IQSEC2: variants seen among roughly 807,000 people sequenced by gnomAD.
The protein encoded by IQSEC2 is IQ motif and Sec7 domain ArfGEF 2.
A neutral mutation model predicts 74.6 loss-of-function variants in IQSEC2; 6 were observed. The observed-to-expected ratio is 0.08, with a 90% CI of 0.04 to 0.16. The LOEUF is 0.16. Ranked by LOEUF, IQSEC2 falls within the 10% of genes least tolerant of loss-of-function variation. IQSEC2 has a pLI of 1.00. For synonymous variants in IQSEC2, 494 were observed against 544.5 expected, an observed-to-expected ratio of 0.91 and a Z score of 1.29; for missense variants, 734 against 1,306.2, an observed-to-expected ratio of 0.56 and a Z score of 6.75.
chrX:53,269,918 C>T (rs1466089916), intron 2 of IQSEC2, among the ~76,000 whole-genome samples: 2 of 110,718 alleles, frequency 1.8e-5, no homozygotes, highest in Non-Finnish European at 3.8e-5. Flanking sequence ...GCTCTGACCC[C>T]GCCCCCATTT....
chrX:53,279,569 C>T, intron 2 of IQSEC2: 1 of 1,177,544 alleles, frequency 8.5e-7, no homozygotes, highest in Non-Finnish European at 1.2e-6. Flanking sequence ...CTTACCTGCT[C>T]TCTGCCAGCC....
chrX:53,283,147 C>T (rs1206693595), intron 2 of IQSEC2, among the ~76,000 whole-genome samples: 10 of 112,344 alleles, frequency 8.9e-5, no homozygotes, highest in Admixed American at 4.7e-4. Context: ...GCCCCAGAGG[C>T]GGAGGTTGCA....
chrX:53,285,977 T>C (rs73492175), intron 2 of IQSEC2, among the ~76,000 whole-genome samples: 1,957 of 112,638 alleles, frequency 0.017, 43 homozygotes, highest in African/African-American at 0.06. Context: ...GCAGGGTTTG[T>C]ATTAGTGGAA....
At chrX:53,312,591 T>A (rs184265956) in intron 1 of IQSEC2, among the ~76,000 whole-genome samples, 2 of 112,291 alleles carry the variant, frequency 1.8e-5, no homozygotes, top group Admixed American at 9.5e-5. Context: ...TTATTAATAA[T>A]AATGGCTATC....
chrX:53,294,400 A>G (rs2075131009), intron 1 of IQSEC2, among the ~76,000 whole-genome samples: 1 of 112,386 alleles, frequency 8.9e-6, no homozygotes, highest in Admixed American at 9.4e-5. Context: ...CATTATGTAT[A>G]GAACAATCAT....
intron 2 of IQSEC2, among the ~76,000 whole-genome samples, chrX:53,278,986 G>A (rs782697903): frequency 1.4e-4 from 16 of 111,811 alleles, no homozygotes; most frequent in Non-Finnish European, 3.0e-4. Flanking sequence ...GACCAGCCTG[G>A]CCAACATGGT....
In IQSEC2 at chrX:53,239,272, T is replaced by C. The variant is rs2074181844; in HGVS notation, c.3038A>G (p.Lys1013Arg). Residue 1013 changes from lysine (K) to arginine (R), a missense_variant, in exon 11 of 15, where the codon AAG becomes AGG. Physicochemically the swap from Lys to Arg is conservative, Grantham distance 26. Around this residue, in one of 12 missense-constraint regions of IQSEC2, gnomAD observed 249 missense variants for 467.9 expected, o/e 0.53. Transcript: ENST00000642864. Reference sequence around the variant, plus strand: ...GAAACTGTACGTCACCAAGATCTTCTTCTTCTGGAAAATTTTGGTGACCTT... The same window carrying C: ...GAAACTGTACGTCACCAAGATCTTCCTCTTCTGGAAAATTTTGGTGACCTT... ...LLVVTKIFQK[K>R]KILVTYSFRQ... The C allele has an allele frequency of 8.3e-7, 1 of 1,209,042 alleles. No homozygotes were observed.
chrX:53,254,659 G>C lies in IQSEC2; in HGVS notation c.1272C>G (p.His424Gln), dbSNP rs191802124. The C allele has an allele frequency of 8.3e-7, 1 of 1,208,715 alleles. No homozygotes were observed. Among genetic ancestry groups the C allele is most frequent in the African/African-American group, 1.7e-5 (1 of 57,276 alleles). The stretch of plus-strand genomic sequence containing the variant: ...CATATGGGAGCCCCCGTTCAAGCCG[G>C]TGGCTCCGGGCACCAGCCATGGCAC... ...DEGAMAGARS[H>Q]RLERGLPYGG... Residue 424 changes from histidine (H) to glutamine (Q), a missense_variant, in exon 4 of 15, where the codon CAC becomes CAG. Transcript: ENST00000642864.
At chrX:53,305,867 C>T (rs782398763) in intron 1 of IQSEC2, among the ~76,000 whole-genome samples, 1 of 111,335 alleles carries the variant, frequency 9.0e-6, no homozygotes, top group African/African-American at 3.3e-5. Context: ...AGCCCCCCAC[C>T]CCATGAACAC....
Position 53,234,214 on chromosome X carries a change from A to G in IQSEC2, c.*5T>C. 1 of 979,859 alleles carries G rather than the reference A, an allele frequency of 1.0e-6. No homozygotes were observed. The highest frequency in any genetic ancestry group is 2.9e-5 in the South Asian group (1 of 35,080). The allele number at this position is 979,859 out of a possible 1,213,427, so 80.8% of individuals were successfully genotyped here. On this transcript the variant is annotated 3_prime_UTR_variant, in exon 15 of 15. Transcript: ENST00000642864. ...TCCTGTTCCCCAGCTCACTCTCTCCATTCATCAGACCACGGTGCTGATCCG... is the reference window on the plus strand; with the variant it reads ...TCCTGTTCCCCAGCTCACTCTCTCCGTTCATCAGACCACGGTGCTGATCCG...
At chrX:53,275,453 T>A (rs2074813669) in intron 2 of IQSEC2, among the ~76,000 whole-genome samples, 1 of 111,244 alleles carries the variant, frequency 9.0e-6, no homozygotes, top group African/African-American at 3.3e-5. Flanking sequence ...CATGAGCCAC[T>A]GCACCTGGCC....
At chrX:53,278,245 C>T (rs1556869984) in intron 2 of IQSEC2, among the ~76,000 whole-genome samples, 1 of 109,620 alleles carries the variant, frequency 9.1e-6, no homozygotes, top group African/African-American at 3.3e-5. Context: ...CTCCTGACCT[C>T]GTGATCTGCC....
intron 1 of IQSEC2, among the ~76,000 whole-genome samples, chrX:53,318,350 C>T (rs1159428656): frequency 1.8e-5 from 2 of 112,153 alleles, no homozygotes; most frequent in Non-Finnish European, 3.8e-5. Flanking sequence ...CAAGGAAACG[C>T]AACAAGCAAC....
chrX:53,293,873 A>T (rs1556873673), intron 1 of IQSEC2, among the ~76,000 whole-genome samples: 1 of 111,863 alleles, frequency 8.9e-6, no homozygotes, highest in African/African-American at 3.3e-5. Context: ...CTTTTTGTAC[A>T]TTATCTCCTT....
intron 1 of IQSEC2, among the ~76,000 whole-genome samples, chrX:53,295,239 A>T (rs1556873969): frequency 8.9e-6 from 1 of 112,205 alleles, no homozygotes; most frequent in Admixed American, 9.5e-5. Flanking sequence ...AGCTTTGAGG[A>T]TAGTAACCAT....
At chrX:53,282,741 C>T (rs1309384710) in intron 2 of IQSEC2, among the ~76,000 whole-genome samples, 1 of 109,129 alleles carries the variant, frequency 9.2e-6, no homozygotes, top group Non-Finnish European at 1.9e-5. Flanking sequence ...CCCCTCAAAG[C>T]CCTGGTCCTC....
At chrX:53,287,685 A>T (rs1453745192) in intron 2 of IQSEC2, among the ~76,000 whole-genome samples, 1 of 112,396 alleles carries the variant, frequency 8.9e-6, no homozygotes, top group Non-Finnish European at 1.9e-5. Flanking sequence ...AGGGCTGCTA[A>T]TTAAAGCCAG....
intron 8 of IQSEC2, among the ~76,000 whole-genome samples, chrX:53,246,501 G>A (rs2074311020): frequency 1.8e-5 from 2 of 112,041 alleles, no homozygotes; most frequent in South Asian, 3.7e-4. Context: ...CCCATCATGG[G>A]GCTTGGCACA....
chrX:53,242,922 G>A (rs1159626728), intron 9 of IQSEC2, among the ~76,000 whole-genome samples: 1 of 110,900 alleles, frequency 9.0e-6, no homozygotes, highest in Non-Finnish European at 1.9e-5. Context: ...ATTTTTAGTA[G>A]AGACAGGGTT....
Sources: allele counts gnomAD v4.1 joint callset (sites outside exome capture counted in the v4.1 genomes callset), GRCh38; gene constraint gnomAD v4.1.1; regional missense constraint gnomAD v4.1.1; transcripts MANE v1.5; gene names NCBI Gene and HGNC (gene_info 2026-07-23, HGNC 2026-07-21).